The following CNTNAP5 variants were observed in gnomAD, a reference collection of about 807,000 sequenced individuals.
The protein encoded by CNTNAP5 is contactin associated protein family member 5.
CNTNAP5 carries 72 observed loss-of-function variants against 150.2 expected under a neutral mutation model. The ratio of observed to expected loss-of-function variants is 0.48; its 90% CI spans 0.40 to 0.58. CNTNAP5 has a LOEUF of 0.58. CNTNAP5 is among the 20% of genes least tolerant of loss of function. The pLI is 0.00. For synonymous variants in CNTNAP5, 672 were observed against 619.8 expected, an observed-to-expected ratio of 1.08 and a Z score of -1.25; for missense variants, 1,636 against 1,626.2, an observed-to-expected ratio of 1.01 and a Z score of -0.10.
At chr2:124,855,804 C>G (rs1677359221) in intron 19 of CNTNAP5, among the ~76,000 whole-genome samples, 1 of 152,034 alleles carries the variant, frequency 6.6e-6, no homozygotes, top group African/African-American at 2.4e-5. Flanking sequence ...AATTTTGCTG[C>G]ACCCATCACC....
At chr2:124,696,731 C>T (rs889577082) in intron 13 of CNTNAP5, among the ~76,000 whole-genome samples, 2 of 152,102 alleles carry the variant, frequency 1.3e-5, no homozygotes, top group African/African-American at 4.8e-5. Flanking sequence ...TCAAATAATA[C>T]ATGACGATCT....
rs1185897474 is a variant in CNTNAP5 at position 124,917,704 on chromosome 2, G to C, written c.*3416G>C. Among the ~76,000 whole-genome samples the C allele has an allele frequency of 6.6e-6, 1 of 152,032 alleles. No individual in the cohort carries two copies. Among genetic ancestry groups the C allele is most frequent in the Non-Finnish European group, 1.5e-5 (1 of 67,986 alleles). ...TTGTTTTTCTTTTTTCATTCATGAA[G>C]TATTTATGGAATGCCAATGAGTGCC... is the stretch of plus-strand genomic sequence containing the variant. On this transcript the variant is annotated 3_prime_UTR_variant, in exon 24 of 24. Coordinates refer to ENST00000682447, the MANE Select transcript of CNTNAP5 (RefSeq NM_001367498.1).
At chr2:124,726,808 AT>A (rs557185128) in intron 13 of CNTNAP5, among the ~76,000 whole-genome samples, 1 of 151,094 alleles carries the variant, frequency 6.6e-6, no homozygotes, top group African/African-American at 2.4e-5. Context: ...TCGATTGTTG[AT>A]TTTTTTTAAT....
chr2:124,288,949 T>A (rs923932866), intron 3 of CNTNAP5, among the ~76,000 whole-genome samples: 4 of 152,204 alleles, frequency 2.6e-5, no homozygotes, highest in Non-Finnish European at 5.9e-5. Context: ...TAGCCCTAGA[T>A]GACAAGTTAA....
chr2:124,656,515 T>G (rs1678461324), intron 13 of CNTNAP5, among the ~76,000 whole-genome samples: 1 of 152,194 alleles, frequency 6.6e-6, no homozygotes, highest in African/African-American at 2.4e-5. Context: ...ACTCTTGGTA[T>G]TTCACTGGGG....
chr2:124,233,170 A>G (rs1330724102), intron 2 of CNTNAP5, among the ~76,000 whole-genome samples: 2 of 152,084 alleles, frequency 1.3e-5, no homozygotes, highest in African/African-American at 4.8e-5. Flanking sequence ...CAGTGGCAGC[A>G]TTGTCCTGGA....
chr2:124,072,325 C>A (rs774390226), intron 1 of CNTNAP5, among the ~76,000 whole-genome samples: 8 of 151,578 alleles, frequency 5.3e-5, no homozygotes, highest in Admixed American at 6.6e-5. Flanking sequence ...GAAAAAAATA[C>A]AAGGATACCC....
At chr2:124,369,452 G>T (rs1315503726) in intron 3 of CNTNAP5, among the ~76,000 whole-genome samples, 1 of 152,072 alleles carries the variant, frequency 6.6e-6, no homozygotes, top group Non-Finnish European at 1.5e-5. Flanking sequence ...TTGATGGTGG[G>T]GGTGGGATCT....
Position 124,918,030 on chromosome 2 carries a change from G to A in CNTNAP5, c.*3742G>A, listed in dbSNP as rs1026303067. ...ATATAGATTTCTGTAGAAAGGGGTG[G>A]ATTGACTTTTAGGAACAGTAAGAAT... On this transcript the variant is annotated 3_prime_UTR_variant, in exon 24 of 24. Transcript: ENST00000682447. Among the ~76,000 whole-genome samples, 3 of 152,020 alleles carry A rather than the reference G, an allele frequency of 2.0e-5. No individual in the cohort carries two copies. Among genetic ancestry groups the A allele is most frequent in the African/African-American group, 4.8e-5 (2 of 41,402 alleles).
intron 11 of CNTNAP5, among the ~76,000 whole-genome samples, chr2:124,576,298 G>A (rs1012588346): frequency 3.9e-5 from 6 of 152,114 alleles, no homozygotes; most frequent in African/African-American, 1.4e-4. Flanking sequence ...CAGATTTCCT[G>A]CTGGCAGCTA....
chr2:124,556,642 G>C (rs1695761491), intron 10 of CNTNAP5, among the ~76,000 whole-genome samples: 1 of 152,122 alleles, frequency 6.6e-6, no homozygotes. Context: ...GCTCAGACTA[G>C]AGGAGCATCG....
At chr2:124,828,479 TCAAAAAA>T (rs1682645113) in intron 19 of CNTNAP5, among the ~76,000 whole-genome samples, 1 of 151,616 alleles carries the variant, frequency 6.6e-6, no homozygotes, top group Non-Finnish European at 1.5e-5. Context: ...AGACTCCATC[TCAAAAAA>T]CAAAAAACAA....
intron 1 of CNTNAP5, among the ~76,000 whole-genome samples, chr2:124,061,008 C>A (rs977440708): frequency 3.3e-5 from 5 of 152,138 alleles, no homozygotes; most frequent in African/African-American, 1.2e-4. Context: ...GCTGCCAGTG[C>A]CATTTACTGC....
chr2:124,597,954 C>A (rs1213614742), intron 11 of CNTNAP5, among the ~76,000 whole-genome samples: 1 of 127,112 alleles, frequency 7.9e-6, no homozygotes, highest in Non-Finnish European at 1.7e-5. Flanking sequence ...GAGGCTTCTG[C>A]ATTCTTCACT....
intron 3 of CNTNAP5, among the ~76,000 whole-genome samples, chr2:124,279,309 C>T (rs1021998729): frequency 5.9e-5 from 9 of 151,634 alleles, no homozygotes; most frequent in Non-Finnish European, 1.5e-5. Context: ...TGTGTAGTTT[C>T]CACTAGGTTA....
At chr2:124,404,122 C>T (rs1037377416) in intron 3 of CNTNAP5, among the ~76,000 whole-genome samples, 1 of 152,198 alleles carries the variant, frequency 6.6e-6, no homozygotes, top group Non-Finnish European at 1.5e-5. Context: ...CATCTCTTTT[C>T]TTTCCCACTG....
chr2:124,761,513 A>C (rs937212541), intron 14 of CNTNAP5, among the ~76,000 whole-genome samples: 1 of 152,222 alleles, frequency 6.6e-6, no homozygotes, highest in Admixed American at 6.6e-5. Context: ...CTTTGGTCTC[A>C]TATTACAGAA....
intron 13 of CNTNAP5, among the ~76,000 whole-genome samples, chr2:124,699,349 TCA>T (rs1679472458): frequency 1.3e-5 from 2 of 152,152 alleles, no homozygotes; most frequent in East Asian, 3.9e-4. Flanking sequence ...AGGGAGGGGC[TCA>T]GATTGGTAAT....
chr2:124,086,468 G>T (rs1682695425), intron 1 of CNTNAP5, among the ~76,000 whole-genome samples: 2 of 151,378 alleles, frequency 1.3e-5, no homozygotes, highest in Admixed American at 1.3e-4. Context: ...CTCTCTAACT[G>T]CTGGGATTAC....
Sources: allele counts gnomAD v4.1 joint callset (sites outside exome capture counted in the v4.1 genomes callset), GRCh38; gene constraint gnomAD v4.1.1; transcripts MANE v1.5; gene names NCBI Gene and HGNC (gene_info 2026-07-23, HGNC 2026-07-21).